Variants in KAZN observed in about 807,000 individuals in gnomAD.
The protein encoded by KAZN is kazrin, periplakin interacting protein.
Under a neutral mutation model 87.4 loss-of-function variants are expected in KAZN, and 40 were observed. The observed-to-expected ratio is 0.46, with a 90% CI of 0.36 to 0.60. KAZN has a LOEUF of 0.60. Ranked by LOEUF, KAZN falls within the 20% of genes least tolerant of loss-of-function variation. KAZN has a pLI of 0.00. For synonymous variants in KAZN, 466 were observed against 458.3 expected (o/e 1.02, Z -0.22); for missense variants, 898 against 1,073.9 (o/e 0.84, Z 2.29).
intron 2 of KAZN, among the ~76,000 whole-genome samples, chr1:14,566,710 G>A (rs1009245486): frequency 6.6e-6 from 1 of 152,210 alleles, no homozygotes; most frequent in Non-Finnish European, 1.5e-5. Context: ...ATCAGCACTT[G>A]CTGCTTCACC....
chr1:14,677,045 A>G (rs1376193111), intron 1 of KAZN, among the ~76,000 whole-genome samples: 1 of 152,210 alleles, frequency 6.6e-6, no homozygotes, highest in Non-Finnish European at 1.5e-5. Context: ...ACCATCATCA[A>G]CAGCATCCTC....
intron 2 of KAZN, among the ~76,000 whole-genome samples, chr1:14,233,626 C>T (rs1648080324): frequency 6.6e-6 from 1 of 152,186 alleles, no homozygotes; most frequent in Non-Finnish European, 1.5e-5. Context: ...CTCCATAGAG[C>T]ACCCAGGAAG....
intron 2 of KAZN, among the ~76,000 whole-genome samples, chr1:14,253,974 T>C (rs1466362796): frequency 4.3e-5 from 6 of 141,066 alleles, no homozygotes; most frequent in Non-Finnish European, 7.8e-5. Flanking sequence ...GGGGTGGGGG[T>C]GCATGCATTT....
chr1:14,460,441 C>T (rs1667798601), intron 2 of KAZN, among the ~76,000 whole-genome samples: 1 of 152,208 alleles, frequency 6.6e-6, no homozygotes, highest in South Asian at 2.1e-4. Flanking sequence ...CTGTTCACTC[C>T]CTGGGGATGT....
At chr1:14,107,597 G>A (rs1285652860) in intron 1 of KAZN, among the ~76,000 whole-genome samples, 1 of 152,152 alleles carries the variant, frequency 6.6e-6, no homozygotes, top group African/African-American at 2.4e-5. Context: ...TCTCAGGTGG[G>A]TTTCCATACA....
chr1:14,990,079 ACAGCCGCTAATC>A (rs1284358289), intron 2 of KAZN, among the ~76,000 whole-genome samples: 13 of 152,302 alleles, frequency 8.5e-5, no homozygotes, highest in African/African-American at 3.1e-4. Context: ...TCAAAGCCAC[ACAGCCGCTAATC>A]CAGATGCAGG....
At chr1:14,185,447 A>G (rs1015747255) in intron 2 of KAZN, among the ~76,000 whole-genome samples, 1 of 152,212 alleles carries the variant, frequency 6.6e-6, no homozygotes, top group Admixed American at 6.5e-5. Context: ...GATTATTCAA[A>G]GGAGTCTTAG....
chr1:14,551,817 C>T (rs1673540297), intron 2 of KAZN, among the ~76,000 whole-genome samples: 1 of 152,078 alleles, frequency 6.6e-6, no homozygotes, highest in Admixed American at 6.5e-5. Flanking sequence ...AAGGTAGTAT[C>T]GGTATAATCC....
chr1:13,929,556 G>T (rs1021531973), intron 1 of KAZN, among the ~76,000 whole-genome samples: 15 of 152,144 alleles, frequency 9.9e-5, no homozygotes, highest in Non-Finnish European at 1.9e-4. Flanking sequence ...TTTGGTGCTA[G>T]CCTTGAGCCT....
intron 1 of KAZN, among the ~76,000 whole-genome samples, chr1:13,903,906 C>T (rs1639340065): frequency 6.6e-6 from 1 of 152,062 alleles, no homozygotes; most frequent in Non-Finnish European, 1.5e-5. Context: ...TGTGGTGGGT[C>T]CCTCTGAGTC....
chr1:14,299,870 G>A (rs998668732), intron 2 of KAZN, among the ~76,000 whole-genome samples: 2 of 152,160 alleles, frequency 1.3e-5, no homozygotes, highest in African/African-American at 4.8e-5. Context: ...GAGTGTACAG[G>A]GAAAGGAGAG....
chr1:14,870,381 C>T (rs537214786), intron 1 of KAZN, among the ~76,000 whole-genome samples: 3 of 152,286 alleles, frequency 2.0e-5, no homozygotes, highest in Non-Finnish European at 2.9e-5. Context: ...TTTGCTCTGT[C>T]GCCCAGGCTG....
At chr1:13,911,247 C>G (rs952223988) in intron 1 of KAZN, among the ~76,000 whole-genome samples, 2 of 152,206 alleles carry the variant, frequency 1.3e-5, no homozygotes, top group African/African-American at 4.8e-5. Flanking sequence ...CGGTGTTTCA[C>G]CATGTTGGCC....
chr1:14,187,693 T>A (rs547402504), intron 2 of KAZN, among the ~76,000 whole-genome samples: 2 of 152,316 alleles, frequency 1.3e-5, no homozygotes, highest in Admixed American at 6.5e-5. Flanking sequence ...GCCAAGGATG[T>A]TGCTAAACTC....
At chr1:15,065,975 C>T in intron 8 of KAZN, 1 of 1,365,362 alleles carries the variant, frequency 7.3e-7, no homozygotes, top group Non-Finnish European at 9.4e-7. Context: ...GTGTGAACCT[C>T]TCTCCCCTGC....
chr1:14,528,663 C>T (rs1258358710), intron 2 of KAZN, among the ~76,000 whole-genome samples: 1 of 149,344 alleles, frequency 6.7e-6, no homozygotes, highest in African/African-American at 2.5e-5. Flanking sequence ...ACGGGAAGAT[C>T]GCCTGAGCCC....
intron 1 of KAZN, among the ~76,000 whole-genome samples, chr1:14,837,202 T>TTGC (rs770629503): frequency 2.7e-4 from 41 of 152,344 alleles, no homozygotes; most frequent in East Asian, 2.1e-3. Flanking sequence ...GCTGTTGTTG[T>TTGC]TGCTGCTGTT....
chr1:14,133,738 T>C (rs527835500), intron 1 of KAZN, among the ~76,000 whole-genome samples: 2 of 152,210 alleles, frequency 1.3e-5, no homozygotes, highest in South Asian at 4.1e-4. Flanking sequence ...ATTGTCATAA[T>C]CCCATCAAGC....
At position 13,925,800 on chromosome 1, in the gene KAZN, G is replaced by A. The variant is rs577092593; in HGVS notation, c.91+32044G>A. Among the ~76,000 whole-genome samples, 9 of 152,340 alleles carry A rather than the reference G, an allele frequency of 5.9e-5. No homozygotes were observed. In the South Asian group the frequency reaches 1.0e-3, roughly 18 times the overall value. ...GACAGAGGCAGAGAGTCCAGGTTGGGAAGAGTGGGTGTGACCATGAATTGG... is the reference window on the plus strand; with the variant it reads ...GACAGAGGCAGAGAGTCCAGGTTGGAAAGAGTGGGTGTGACCATGAATTGG... On this transcript the variant is annotated intron_variant, in intron 1 of 16. Coordinates refer to the KAZN transcript ENST00000636203.
Sources: allele counts gnomAD v4.1 joint callset (sites outside exome capture counted in the v4.1 genomes callset), GRCh38; gene constraint gnomAD v4.1.1; transcripts MANE v1.5; gene names NCBI Gene and HGNC (gene_info 2026-07-23, HGNC 2026-07-21).